The following GALNTL6 variants were observed in gnomAD, a reference collection of about 807,000 sequenced individuals.
GALNTL6 encodes polypeptide N-acetylgalactosaminyltransferase like 6, also known as polypeptide N-acetylgalactosaminyltransferase-like 6.
A neutral mutation model predicts 73.7 loss-of-function variants in GALNTL6; 46 were observed. The ratio of observed to expected loss-of-function variants is 0.62; its 90% confidence interval spans 0.49 to 0.80. GALNTL6 has a LOEUF of 0.80. Ranked by LOEUF, GALNTL6 falls within the 30% of genes least tolerant of loss-of-function variation. The pLI is 0.00. For missense variants in GALNTL6, 604 were observed against 755.0 expected (o/e 0.80, Z 2.34); for synonymous variants, 259 against 263.7 (o/e 0.98, Z 0.17).
chr4:172,004,716 C>A (rs1251476963), intron 2 of GALNTL6, among the ~76,000 whole-genome samples: 1 of 151,130 alleles, frequency 6.6e-6, no homozygotes, highest in Admixed American at 6.6e-5. Context: ...TTAGGAGTAG[C>A]AAAATATTAC....
intron 5 of GALNTL6, among the ~76,000 whole-genome samples, chr4:172,785,102 T>A (rs887384520): frequency 1.3e-5 from 2 of 152,146 alleles, no homozygotes; most frequent in Non-Finnish European, 2.9e-5. Flanking sequence ...TTAGCCCCAG[T>A]ATGTTCTGAG....
chr4:171,895,686 A>C (rs544878237), intron 2 of GALNTL6, among the ~76,000 whole-genome samples: 4 of 152,330 alleles, frequency 2.6e-5, no homozygotes, highest in African/African-American at 9.6e-5. Flanking sequence ...TAAAGAGCTT[A>C]TTCTCAAAAT....
At chr4:171,962,300 G>A (rs1739243677) in intron 2 of GALNTL6, among the ~76,000 whole-genome samples, 2 of 152,108 alleles carry the variant, frequency 1.3e-5, no homozygotes, top group Admixed American at 6.6e-5. Flanking sequence ...GAGACCTACC[G>A]GGCTGCATTC....
intron 10 of GALNTL6, among the ~76,000 whole-genome samples, chr4:172,954,671 T>A (rs1284990022): frequency 6.6e-6 from 1 of 152,184 alleles, no homozygotes; most frequent in African/African-American, 2.4e-5. Context: ...TCTCAATATG[T>A]TGCCCATGCT....
At chr4:171,972,136 A>C (rs1304104668) in intron 2 of GALNTL6, among the ~76,000 whole-genome samples, 1 of 152,192 alleles carries the variant, frequency 6.6e-6, no homozygotes, top group Non-Finnish European at 1.5e-5. Flanking sequence ...AGTTATTCAC[A>C]TGCCAAACAG....
chr4:172,890,693 G>C (rs1446721094), intron 8 of GALNTL6, among the ~76,000 whole-genome samples: 1 of 152,158 alleles, frequency 6.6e-6, no homozygotes, highest in South Asian at 2.1e-4. Context: ...GTATTCTGTA[G>C]ATGTCTACTT....
At chr4:172,445,962 A>G (rs895054722) in intron 5 of GALNTL6, among the ~76,000 whole-genome samples, 1 of 152,158 alleles carries the variant, frequency 6.6e-6, no homozygotes, top group Non-Finnish European at 1.5e-5. Flanking sequence ...CAATACTGGG[A>G]TATAAAATGA....
At chr4:172,345,862 G>A (rs1482448578) in intron 4 of GALNTL6, among the ~76,000 whole-genome samples, 1 of 152,206 alleles carries the variant, frequency 6.6e-6, no homozygotes, top group Non-Finnish European at 1.5e-5. Context: ...GTGGGCAACC[G>A]AGGTGTAATC....
chr4:172,934,114 G>A (rs1748489964), intron 9 of GALNTL6, among the ~76,000 whole-genome samples: 2 of 152,136 alleles, frequency 1.3e-5, no homozygotes, highest in Admixed American at 1.3e-4. Context: ...ACCATTAGAG[G>A]ACAGTACAAG....
chr4:172,371,784 C>T (rs1316008788), intron 5 of GALNTL6, among the ~76,000 whole-genome samples: 2 of 152,206 alleles, frequency 1.3e-5, no homozygotes, highest in South Asian at 2.1e-4. Context: ...CCTCTGCCAG[C>T]TGCTTATGCT....
intron 5 of GALNTL6, among the ~76,000 whole-genome samples, chr4:172,685,913 A>G (rs1732890100): frequency 6.6e-6 from 1 of 152,194 alleles, no homozygotes; most frequent in Admixed American, 6.5e-5. Context: ...CCTCTGAGAC[A>G]CCAGATGCTG....
At chr4:172,457,027 A>G (rs1197726068) in intron 5 of GALNTL6, among the ~76,000 whole-genome samples, 1 of 152,162 alleles carries the variant, frequency 6.6e-6, no homozygotes, top group Non-Finnish European at 1.5e-5. Context: ...TACAAGCCAG[A>G]AGAGAGTGGG....
At chr4:172,615,686 A>G (rs1738699433) in intron 5 of GALNTL6, among the ~76,000 whole-genome samples, 1 of 152,214 alleles carries the variant, frequency 6.6e-6, no homozygotes, top group African/African-American at 2.4e-5. Context: ...ATATCTAGTG[A>G]TAGTTATGAA....
intron 2 of GALNTL6, among the ~76,000 whole-genome samples, chr4:171,842,864 C>A (rs1054650134): frequency 4.6e-5 from 7 of 152,246 alleles, no homozygotes; most frequent in African/African-American, 1.7e-4. Flanking sequence ...GGTGGTACCA[C>A]TTATTTTCAC....
intron 5 of GALNTL6, among the ~76,000 whole-genome samples, chr4:172,767,441 A>G (rs1738498868): frequency 6.6e-6 from 1 of 152,112 alleles, no homozygotes; most frequent in Non-Finnish European, 1.5e-5. Flanking sequence ...TCAAATGCCC[A>G]AGCTGTGCGA....
intron 3 of GALNTL6, among the ~76,000 whole-genome samples, chr4:172,290,317 G>C: frequency 6.6e-6 from 1 of 152,142 alleles, no homozygotes; most frequent in Non-Finnish European, 1.5e-5. Context: ...TGCTCTATCT[G>C]CATAGATTTC....
At chr4:172,079,017 G>C (rs376823358) in intron 2 of GALNTL6, among the ~76,000 whole-genome samples, 2 of 151,900 alleles carry the variant, frequency 1.3e-5, no homozygotes, top group East Asian at 1.9e-4. Context: ...GCAAATGTAT[G>C]TTTATGCACA....
chr4:172,460,744 TAGG>T (rs893681122), intron 5 of GALNTL6, among the ~76,000 whole-genome samples: 3 of 152,194 alleles, frequency 2.0e-5, no homozygotes, highest in African/African-American at 7.2e-5. Context: ...TGTGGAGAAA[TAGG>T]AGTGCTTTTA....
At chr4:172,012,955 C>G (rs1741066955) in intron 2 of GALNTL6, among the ~76,000 whole-genome samples, 2 of 152,026 alleles carry the variant, frequency 1.3e-5, no homozygotes, top group African/African-American at 4.8e-5. Flanking sequence ...TGTTGTCACT[C>G]TCCTCACTCC....
Sources: gnomAD v4.1 joint callset for allele counts (sites outside exome capture counted in the v4.1 genomes callset) on GRCh38, gnomAD v4.1.1 for gene constraint, MANE v1.5 for transcripts, NCBI Gene and HGNC (gene_info 2026-07-23, HGNC 2026-07-21) for gene names.